The following ARID1A variants were observed in gnomAD, a reference collection of about 807,000 sequenced individuals.
The protein encoded by ARID1A is AT-rich interaction domain 1A.
In ARID1A, 20 loss-of-function variants were observed where a neutral mutation model predicts 212.6. That is an observed-to-expected ratio of 0.09 (90% CI 0.07 to 0.14). ARID1A has a LOEUF of 0.14. Among genes scored for constraint, ARID1A ranks in the 10% least tolerant of loss-of-function variants. The pLI, the probability that ARID1A is intolerant of heterozygous loss-of-function variation, is 1.00. For synonymous variants in ARID1A, 1,376 were observed against 1,222.1 expected (o/e 1.13, Z -2.63); for missense variants, 2,587 against 3,059.0 (o/e 0.85, Z 3.64).
At position 26,696,276 on chromosome 1, in the gene ARID1A, G is replaced by C; in HGVS notation, c.-128G>C. 1.8e-6 allele frequency: 2 copies of C among 1,101,642 alleles called. No individual in the cohort carries two copies. The highest frequency in any genetic ancestry group is 1.7e-5 in the African/African-American group (1 of 59,474). The allele number at this position is 1,101,642 out of a possible 1,614,324, so 68.2% of individuals were successfully genotyped here. On this transcript the variant is annotated 5_prime_UTR_variant, in exon 1 of 20. Transcript: ENST00000324856. Reference sequence around the variant, plus strand: ...GAGGAGCGAGCGCAGCGCAGCAGCGGAGCCCCGCGAGGCCCGCCCGGGCGG... The same window carrying C: ...GAGGAGCGAGCGCAGCGCAGCAGCGCAGCCCCGCGAGGCCCGCCCGGGCGG...
rs142735776 is a variant in ARID1A, at chr1:26,714,362, C to T, written c.1138-15289C>T. ...GTTTTCCATCCAGGGAATTGCTGAC[C>T]TTAAAACCTGAGGATTTGGATGCAT... On this transcript the variant is annotated intron_variant, in intron 1 of 19. Transcript: ENST00000324856. Among the ~76,000 whole-genome samples, 338 of 152,220 alleles carry T rather than the reference C, an allele frequency of 2.2e-3. 2 individuals carry two copies. The highest frequency in any genetic ancestry group is 7.9e-3 in the African/African-American group (327 of 41,512).
intron 1 of ARID1A, among the ~76,000 whole-genome samples, chr1:26,707,200 ATTTTTTTTTTT>A (rs751639614): frequency 1.9e-5 from 2 of 102,612 alleles, no homozygotes. Flanking sequence ...CGGCTGGCTA[ATTTTTTTTTTT>A]TTTTTTTTTT....
rs150534917 is a variant in ARID1A, at chr1:26,779,389, C to T, written c.5491C>T (p.Leu1831Phe). The T allele has an allele frequency of 6.2e-7, 1 of 1,614,206 alleles. No homozygotes were observed. Among genetic ancestry groups the T allele is most frequent in the Non-Finnish European group, 8.5e-7 (1 of 1,180,046 alleles). Residue 1831 changes from leucine to phenylalanine, a missense_variant, in exon 20 of 20, where the codon CTT (leucine) becomes TTT (phenylalanine). Physicochemically the swap from Leu to Phe is conservative, Grantham distance 22. Coordinates refer to ENST00000324856, the MANE Select transcript of ARID1A (RefSeq NM_006015.6). ...ATTTGTGGTGGACTGCTCAGATAAG[C>T]TTGGGCGTGTGCAGGAGTTTGACAG... is the stretch of plus-strand genomic sequence containing the variant. ...DPFVVDCSDKLGRVQEFDSGL... is the reference protein window; with the variant it reads ...DPFVVDCSDKFGRVQEFDSGL...
Position 26,780,883 on chromosome 1 carries a change from C to T in ARID1A, c.*127C>T. On this transcript the variant is annotated 3_prime_UTR_variant, in exon 20 of 20. Coordinates refer to ENST00000324856, the MANE Select transcript of ARID1A (RefSeq NM_006015.6). This position sits in a 1 kb window ranked among gnomAD's most constrained non-coding sequence, Gnocchi z 7.2. The stretch of plus-strand genomic sequence containing the variant: ...TTTACCCTGTGCTGTCCAGCTTCTC[C>T]CTTGGGAAAAAGTCTCTCCTGTTTC... The T allele has an allele frequency of 7.4e-7, 1 of 1,353,694 alleles. No individual in the cohort carries two copies. The highest frequency in any genetic ancestry group is 1.5e-5 in the African/African-American group (1 of 68,558). The allele number at this position is 1,353,694 out of a possible 1,614,324, so 83.9% of individuals were successfully genotyped here.
At chr1:26,711,843 G>A (rs898706529) in intron 1 of ARID1A, among the ~76,000 whole-genome samples, 1 of 152,148 alleles carries the variant, frequency 6.6e-6, no homozygotes, top group East Asian at 1.9e-4. Context: ...AGCACTTTGG[G>A]ATGCTGAGCT....
At chr1:26,757,885 A>G (rs926821366) in intron 4 of ARID1A, among the ~76,000 whole-genome samples, 1 of 152,050 alleles carries the variant, frequency 6.6e-6, no homozygotes, top group Non-Finnish European at 1.5e-5. Context: ...TAATCCGCCT[A>G]CCTCGGCCTC....
intron 4 of ARID1A, among the ~76,000 whole-genome samples, chr1:26,743,288 T>C (rs2080805443): frequency 6.6e-6 from 1 of 152,208 alleles, no homozygotes; most frequent in African/African-American, 2.4e-5. Context: ...ACTTCTACTT[T>C]GGCTTCAAAA....
At chr1:26,766,644 T>A (rs953583100) in intron 10 of ARID1A, 78 bp downstream of exon 10, 8 of 1,396,176 alleles carry the variant, frequency 5.7e-6, no homozygotes, top group Non-Finnish European at 7.8e-6. Flanking sequence ...GAAAAGAGAG[T>A]GACAAGATCC....
Position 26,779,205 on chromosome 1 carries a change from A to G in ARID1A, c.5307A>G (p.Leu1769=), listed in dbSNP as rs754965271. The change falls in exon 20 of 20, where the codon CTA becomes CTG. Residue 1769 remains leucine (L), a synonymous_variant. Coordinates refer to ENST00000324856, the MANE Select transcript of ARID1A (RefSeq NM_006015.6). ...GTGGGGAAGAAGAAGAAGAACTTCTAGGTCCTAAACTAGAAGAGGAAGAAG... is the reference window on the plus strand; with the variant it reads ...GTGGGGAAGAAGAAGAAGAACTTCTGGGTCCTAAACTAGAAGAGGAAGAAG... The part of the protein sequence containing the change: ...MEGGEEEEEL[L]GPKLEEEEEE... 1.2e-6 allele frequency: 2 copies of G among 1,612,438 alleles called. No homozygotes were observed. The highest frequency in any genetic ancestry group is 2.2e-5 in the East Asian group (1 of 44,856).
chr1:26,726,803 A>T (rs868652322), intron 1 of ARID1A, among the ~76,000 whole-genome samples: 9 of 152,262 alleles, frequency 5.9e-5, no homozygotes, highest in South Asian at 2.1e-4. Flanking sequence ...GCAATCAGTT[A>T]GTTGGAATAG....
chr1:26,717,864 G>A (rs765566208), intron 1 of ARID1A, among the ~76,000 whole-genome samples: 3 of 152,200 alleles, frequency 2.0e-5, no homozygotes, highest in Non-Finnish European at 4.4e-5. Flanking sequence ...TAATATCTGG[G>A]TGAAGAAAGT....
At chr1:26,754,658 C>T (rs1439664457) in intron 4 of ARID1A, among the ~76,000 whole-genome samples, 5 of 152,146 alleles carry the variant, frequency 3.3e-5, no homozygotes, top group Admixed American at 2.6e-4. Context: ...AACTCAGAGG[C>T]GTGACCTTTC....
chr1:26,741,240 A>G (rs2080786091), intron 4 of ARID1A, among the ~76,000 whole-genome samples: 1 of 152,184 alleles, frequency 6.6e-6, no homozygotes, highest in Admixed American at 6.5e-5. Flanking sequence ...ATTGTGTAAT[A>G]TTTCTGGAAG....
chr1:26,725,664 A>C (rs2080609398), intron 1 of ARID1A, among the ~76,000 whole-genome samples: 1 of 152,140 alleles, frequency 6.6e-6, no homozygotes, highest in South Asian at 2.1e-4. Context: ...TTTGGTCTAC[A>C]AAGATTTCCT....
chr1:26,709,835 CT>C (rs11303126), intron 1 of ARID1A, among the ~76,000 whole-genome samples: 354 of 138,694 alleles, frequency 2.6e-3, no homozygotes, highest in Admixed American at 2.7e-3. Context: ...AGCTTGCTTA[CT>C]TTTTTTTTTT....
At chr1:26,735,284 C>T (rs1011197042) in intron 4 of ARID1A, among the ~76,000 whole-genome samples, 2 of 151,036 alleles carry the variant, frequency 1.3e-5, no homozygotes, top group East Asian at 1.9e-4. Flanking sequence ...CGCCACTACG[C>T]CCAACTAATT....
In ARID1A at chr1:26,780,399, T is replaced by G. The variant is rs774796784; in HGVS notation, c.6501T>G (p.Ala2167=). 1 of 1,614,232 alleles carries G rather than the reference T, an allele frequency of 6.2e-7. No individual in the cohort carries two copies. Among genetic ancestry groups the G allele is most frequent in the South Asian group, 1.1e-5 (1 of 91,088 alleles). ...AGAACCCGGTGTGCCGGGAGATGGC[T>G]GTGGTACTGCTGGCCAACCTGGCTC... ...DRKNPVCREM[A]VVLLANLAQG... Residue 2167 remains alanine (A), a synonymous_variant, in exon 20 of 20, where the codon GCT becomes GCG. Transcript: ENST00000324856. The surrounding 1 kb of genome is among the most constrained non-coding windows in gnomAD (Gnocchi z 7.2).
intron 11 of ARID1A, 138 bp downstream of exon 11, chr1:26,768,137 A>C (rs1570609607): frequency 1.0e-6 from 1 of 970,676 alleles, no homozygotes; most frequent in Non-Finnish European, 1.5e-6. Flanking sequence ...ATATTGATAG[A>C]CCGGGGAGCA....
chr1:26,718,347 CAG>C (rs2080524326), intron 1 of ARID1A, among the ~76,000 whole-genome samples: 1 of 152,228 alleles, frequency 6.6e-6, no homozygotes, highest in African/African-American at 2.4e-5. Context: ...GATAAGGAAA[CAG>C]AGACAAAAGT....
Sources: gnomAD v4.1 joint callset for allele counts (sites outside exome capture counted in the v4.1 genomes callset) on GRCh38, gnomAD v4.1.1 for gene constraint, Gnocchi (gnomAD v3.1) non-coding constraint, MANE v1.5 for transcripts, NCBI Gene and HGNC (gene_info 2026-07-23, HGNC 2026-07-21) for gene names.